The following FKTN variants were observed in gnomAD, a reference collection of about 807,000 sequenced individuals.
The protein encoded by FKTN is fukutin, also known as ribitol-5-phosphate transferase FKTN.
In FKTN, 47 loss-of-function variants were observed where a neutral mutation model predicts 58.6. The observed-to-expected ratio is 0.80, with a 90% CI of 0.63 to 1.02. The LOEUF is 1.02. Ranked by LOEUF, FKTN falls within the 50% of genes least tolerant of loss-of-function variation. The pLI, the probability that FKTN is intolerant of heterozygous loss-of-function variation, is 0.00. For synonymous variants in FKTN, 178 were observed against 191.9 expected (o/e 0.93, Z 0.60); for missense variants, 516 against 537.3 (o/e 0.96, Z 0.39).
intron 4 of FKTN, among the ~76,000 whole-genome samples, chr9:105,600,155 A>T (rs184208578): frequency 6.6e-5 from 10 of 152,292 alleles, no homozygotes; most frequent in African/African-American, 2.4e-4. Context: ...AACCCCTATA[A>T]GGCAGAGATT....
At chr9:105,618,908 A>T (rs796267234) in intron 9 of FKTN, among the ~76,000 whole-genome samples, 9 of 152,202 alleles carry the variant, frequency 5.9e-5, no homozygotes, top group African/African-American at 2.2e-4. Flanking sequence ...ATACAAAAAA[A>T]ATTAGCCGGG....
At position 105,635,155 on chromosome 9, in the gene FKTN, C is replaced by T; in HGVS notation, c.1277C>T (p.Thr426Ile). ...TACATTGAAGCCAACTATGGTAAGA[C>T]CTGGAAGATTCCTGTAAAGACGTGG... ...LEYIEANYGKTWKIPVKTWDW... is the reference protein window; with the variant it reads ...LEYIEANYGKIWKIPVKTWDW... The change falls in exon 11 of 11, where the codon ACC becomes ATC. Residue 426 changes from threonine (T) to isoleucine (I), a missense_variant. Thr to Ile is a moderately conservative substitution (Grantham distance 89). Transcript: ENST00000357998. 1 of 1,614,106 alleles carries T rather than the reference C, an allele frequency of 6.2e-7. No individual in the cohort carries two copies. The highest frequency in any genetic ancestry group is 8.5e-7 in the Non-Finnish European group (1 of 1,179,976).
chr9:105,614,549 C>T (rs759554216), intron 7 of FKTN, among the ~76,000 whole-genome samples: 26 of 152,162 alleles, frequency 1.7e-4, no homozygotes, highest in Non-Finnish European at 2.8e-4. Flanking sequence ...GCTTTTTCTA[C>T]TATACTACAC....
At chr9:105,620,729 G>T (rs1383720729) in intron 10 of FKTN, among the ~76,000 whole-genome samples, 1 of 151,864 alleles carries the variant, frequency 6.6e-6, no homozygotes, top group East Asian at 1.9e-4. Context: ...TGTGTCAGGA[G>T]GTCCTGGGTG....
chr9:105,621,873 G>A (rs1832026280), intron 10 of FKTN, among the ~76,000 whole-genome samples: 1 of 152,030 alleles, frequency 6.6e-6, no homozygotes, highest in Non-Finnish European at 1.5e-5. Context: ...CAGTTCTGCA[G>A]TCACTATCTC....
chr9:105,582,088 C>T (rs1052653455), intron 3 of FKTN, among the ~76,000 whole-genome samples: 3 of 152,136 alleles, frequency 2.0e-5, no homozygotes, highest in Non-Finnish European at 4.4e-5. Context: ...GTGAGATGAA[C>T]CCGGTACCTC....
chr9:105,566,653 A>T (rs1839678401), intron 1 of FKTN, among the ~76,000 whole-genome samples: 1 of 152,174 alleles, frequency 6.6e-6, no homozygotes, highest in African/African-American at 2.4e-5. Flanking sequence ...GCAATAATTA[A>T]TAGCTTACCA....
intron 4 of FKTN, among the ~76,000 whole-genome samples, chr9:105,600,535 C>A (rs888905020): frequency 6.6e-6 from 1 of 151,966 alleles, no homozygotes; most frequent in Non-Finnish European, 1.5e-5. Flanking sequence ...CTACTTACTA[C>A]CCAGCAGAGT....
At chr9:105,597,719 A>G (rs1393323484) in intron 4 of FKTN, among the ~76,000 whole-genome samples, 1 of 152,144 alleles carries the variant, frequency 6.6e-6, no homozygotes, top group Non-Finnish European at 1.5e-5. Context: ...GAGATTTAAA[A>G]TTCAGTATTT....
At chr9:105,623,628 A>G (rs993280491) in intron 10 of FKTN, among the ~76,000 whole-genome samples, 2 of 152,046 alleles carry the variant, frequency 1.3e-5, no homozygotes, top group African/African-American at 4.8e-5. Context: ...TGTGGACCAC[A>G]CTCCCATCCA....
At chr9:105,601,410 G>T in intron 5 of FKTN, 62 bp downstream of exon 5, 2 of 1,199,094 alleles carry the variant, frequency 1.7e-6, no homozygotes, top group Non-Finnish European at 2.4e-6. Flanking sequence ...ATAGGTTTAG[G>T]CTAGTTTAAA....
chr9:105,621,845 G>T (rs558809858), intron 10 of FKTN, among the ~76,000 whole-genome samples: 1 of 152,144 alleles, frequency 6.6e-6, no homozygotes, highest in Non-Finnish European at 1.5e-5. Flanking sequence ...GCTGTTTCCA[G>T]TAGTTTACTG....
intron 3 of FKTN, among the ~76,000 whole-genome samples, chr9:105,592,707 A>G (rs1030662763): frequency 3.3e-5 from 5 of 152,212 alleles, no homozygotes; most frequent in Non-Finnish European, 5.9e-5. Flanking sequence ...AGAGTTTCAC[A>G]GATCTCTAGG....
rs756178260 is a variant in FKTN at position 105,601,203 on chromosome 9, T to C, written c.224T>C (p.Ile75Thr). Reference protein sequence around the residue: ...TSNQNVPVFLIDPLILELINK... With the variant: ...TSNQNVPVFLTDPLILELINK... ...AACCAAAATGTACCAGTGTTTCTTA[T>C]TGATCCTTTGATACTGGAATTGATT... Residue 75 changes from isoleucine to threonine, a missense_variant, in exon 5 of 11, where the codon ATT becomes ACT. Coordinates refer to ENST00000357998, the MANE Select transcript of FKTN (RefSeq NM_001079802.2). 2.5e-6 allele frequency: 4 copies of C among 1,611,238 alleles called. No homozygotes were observed. The highest frequency in any genetic ancestry group is 1.1e-5 in the South Asian group (1 of 90,980).
rs1357460109 is a variant in FKTN, at chr9:105,639,078, T to A, written c.*3814T>A. 4 of 985,052 alleles carry A rather than the reference T, an allele frequency of 4.1e-6. No homozygotes were observed. 61.0% of individuals were successfully genotyped at this position (985,052 alleles called of 1,614,324 possible). On this transcript the variant is annotated 3_prime_UTR_variant, in exon 11 of 11. Coordinates refer to ENST00000357998, the MANE Select transcript of FKTN (RefSeq NM_001079802.2). ...TGAACAGTTTTTTAAATCCTAAATG[T>A]TATAAATCCTTAGGAGAAATATTCC...
intron 9 of FKTN, among the ~76,000 whole-genome samples, chr9:105,619,044 G>T (rs1186897319): frequency 6.8e-6 from 1 of 146,140 alleles, no homozygotes; most frequent in Non-Finnish European, 1.5e-5. Context: ...GGGCGACAGA[G>T]CAAGACTCCG....
intron 8 of FKTN, 128 bp from the exon 9 acceptor site, chr9:105,617,831 G>A: frequency 1.6e-6 from 1 of 639,970 alleles, no homozygotes; most frequent in Non-Finnish European, 2.7e-6. Flanking sequence ...GTACAGCCTG[G>A]GCAATATAGT....
chr9:105,566,756 A>G (rs1010721962), intron 1 of FKTN, among the ~76,000 whole-genome samples: 1 of 152,232 alleles, frequency 6.6e-6, no homozygotes, highest in Non-Finnish European at 1.5e-5. Context: ...AATTATTCCA[A>G]TCAACAGAAA....
intron 3 of FKTN, among the ~76,000 whole-genome samples, chr9:105,587,822 C>T (rs943168652): frequency 4.6e-5 from 7 of 152,080 alleles, no homozygotes; most frequent in African/African-American, 1.4e-4. Context: ...CATTTAAGGT[C>T]ACATTTATGA....
Sources: gnomAD v4.1 joint callset for allele counts (sites outside exome capture counted in the v4.1 genomes callset) on GRCh38, gnomAD v4.1.1 for gene constraint, MANE v1.5 for transcripts, NCBI Gene and HGNC (gene_info 2026-07-23, HGNC 2026-07-21) for gene names.